Variants in ERCC2 observed in about 807,000 individuals in gnomAD.
The protein encoded by ERCC2 is ERCC excision repair 2, TFIIH core complex helicase subunit.
A neutral mutation model predicts 99.4 loss-of-function variants in ERCC2; 90 were observed. The observed-to-expected ratio is 0.91, with a 90% CI of 0.76 to 1.08. The LOEUF is 1.08. ERCC2 is among the 50% of genes least tolerant of loss of function. ERCC2 has a pLI of 0.00. For missense variants in ERCC2, 993 were observed against 1,038.1 expected, an observed-to-expected ratio of 0.96 and a Z score of 0.60; for synonymous variants, 497 against 432.4, an observed-to-expected ratio of 1.15 and a Z score of -1.85.
At chr19:45,360,741 A>T (rs1972191174) in intron 12 of ERCC2, among the ~76,000 whole-genome samples, 1 of 151,450 alleles carries the variant, frequency 6.6e-6, no homozygotes, top group Admixed American at 6.6e-5. Flanking sequence ...CCAGTCTCGA[A>T]CTCCTGACCT....
chr19:45,350,284 G>GGATGCAGTGTTGGGAA lies in ERCC2; in HGVS notation c.*1329_*1344dup. On this transcript the variant is annotated 3_prime_UTR_variant, in exon 23 of 23. Transcript: ENST00000391945. ...CAAAAAAAAAAAAAAAGGCGGGACT[G>GGATGCAGTGTTGGGAA]GATGCAGTGTTGGGAACTGGGGTCC... is the stretch of plus-strand genomic sequence containing the variant. 7.5e-7 allele frequency: 1 copy of GGATGCAGTGTTGGGAA among 1,328,290 alleles called. No individual in the cohort carries two copies. The highest frequency in any genetic ancestry group is 1.1e-6 in the Non-Finnish European group (1 of 945,502). 82.3% of individuals were successfully genotyped at this position (1,328,290 alleles called of 1,614,324 possible).
chr19:45,363,609 G>C (rs1237519133), intron 11 of ERCC2, 134 bp downstream of exon 11: 4 of 1,046,636 alleles, frequency 3.8e-6, no homozygotes, highest in Non-Finnish European at 5.4e-6. Context: ...GACCAGACAA[G>C]GTCCCACGTG....
chr19:45,356,489 G>C (rs1972017539), intron 15 of ERCC2, among the ~76,000 whole-genome samples: 1 of 152,184 alleles, frequency 6.6e-6, no homozygotes, highest in African/African-American at 2.4e-5. Context: ...CATAGGCCTT[G>C]TCTCTAAAGG....
At chr19:45,367,194 G>A (rs3916805) in intron 5 of ERCC2, among the ~76,000 whole-genome samples, 166 of 152,064 alleles carry the variant, frequency 1.1e-3, no homozygotes, top group African/African-American at 3.5e-3. Context: ...CAAATTAGCC[G>A]GGTGTAGTGG....
At chr19:45,352,703 G>A (rs375281837) in intron 20 of ERCC2, 43 bp downstream of exon 20, 4 of 1,614,012 alleles carry the variant, frequency 2.5e-6, no homozygotes, top group Non-Finnish European at 8.5e-7. Context: ...CTCCTCCCTT[G>A]ATCCTAACAC....
At chr19:45,364,390 C>A (rs777467346) in intron 8 of ERCC2, 34 bp downstream of exon 8, 1 of 1,613,874 alleles carries the variant, frequency 6.2e-7, no homozygotes, top group South Asian at 1.1e-5. Context: ...CTCAGAGGGG[C>A]TGGCATCCCT....
intron 11 of ERCC2, 188 bp from the exon 12 acceptor site, chr19:45,361,830 A>C: frequency 1.6e-6 from 1 of 631,594 alleles, no homozygotes; most frequent in African/African-American, 1.8e-5. Flanking sequence ...ACAAATAGCC[A>C]TTGCCGCATA....
chr19:45,352,764 T>C lies in ERCC2; in HGVS notation c.1884A>G (p.Thr628=). Residue 628 remains threonine, a synonymous_variant, in exon 20 of 23, where the codon ACA becomes ACG. Coordinates refer to ENST00000391945, the MANE Select transcript of ERCC2 (RefSeq NM_000400.4). ...TACTCACCTTGAGAATGCGGCTCTG[T>C]GTGTAGACGTAGGGGACGCCAAACA... ...VIMFGVPYVY[T]QSRILKARLE... 6.2e-7 allele frequency: 1 copy of C among 1,613,780 alleles called. No individual in the cohort carries two copies. Among genetic ancestry groups the C allele is most frequent in the Non-Finnish European group, 8.5e-7 (1 of 1,179,870 alleles).
intron 11 of ERCC2, among the ~76,000 whole-genome samples, chr19:45,362,567 G>A (rs1010269393): frequency 2.0e-5 from 3 of 152,186 alleles, no homozygotes; most frequent in Non-Finnish European, 2.9e-5. Flanking sequence ...CCTGCCTCCC[G>A]CACGTCAGCC....
chr19:45,367,891 T>C (rs987842107), intron 5 of ERCC2, among the ~76,000 whole-genome samples: 2 of 151,552 alleles, frequency 1.3e-5, no homozygotes, highest in Non-Finnish European at 2.9e-5. Context: ...ATAAATATCA[T>C]GACAATTTCT....
At chr19:45,358,908 C>T in intron 12 of ERCC2, 1 of 775,538 alleles carries the variant, frequency 1.3e-6, no homozygotes. Context: ...AGTGCTGAGC[C>T]TGGCCTGTTT....
chr19:45,353,772 T>A (rs1043003717), intron 17 of ERCC2, among the ~76,000 whole-genome samples: 4 of 152,196 alleles, frequency 2.6e-5, no homozygotes, highest in African/African-American at 9.7e-5. Context: ...GGAGAGCTTT[T>A]ACTGGAGCAA....
intron 11 of ERCC2, 51 bp downstream of exon 11, chr19:45,363,692 C>G (rs1056978106): frequency 6.6e-7 from 1 of 1,510,558 alleles, no homozygotes; most frequent in Non-Finnish European, 8.8e-7. Flanking sequence ...CACGGCTCTG[C>G]ATAACCGGGA....
chr19:45,369,028 CCCTT>C (rs752143191), intron 3 of ERCC2, 36 bp from the exon 4 acceptor site: 16 of 1,613,966 alleles, frequency 9.9e-6, no homozygotes, highest in Non-Finnish European at 1.4e-5. Flanking sequence ...CCTGTCCCGC[CCCTT>C]CCTTTGTCTG....
chr19:45,351,464 G>A lies in ERCC2; in HGVS notation c.*165C>T. ...TCTCCTGGCCCCCCCTTGCCTCTGG[G>A]TACCTGGTGGATAGCTGCCTTCTCC... On this transcript the variant is annotated 3_prime_UTR_variant, in exon 23 of 23. Coordinates refer to ENST00000391945, the MANE Select transcript of ERCC2 (RefSeq NM_000400.4). 1 of 1,583,784 alleles carries A rather than the reference G, an allele frequency of 6.3e-7. No homozygotes were observed. Among genetic ancestry groups the A allele is most frequent in the Non-Finnish European group, 8.6e-7 (1 of 1,168,982 alleles).
At position 45,350,716 on chromosome 19, in the gene ERCC2, C is replaced by T; in HGVS notation, c.*913G>A. On this transcript the variant is annotated 3_prime_UTR_variant, in exon 23 of 23. Coordinates refer to ENST00000391945, the MANE Select transcript of ERCC2 (RefSeq NM_000400.4). ...AGGAAGTGAGAAGCTGGTCTCCCGG[C>T]TCCGAGGCGAGGCGGCGGCAGGAGC... 1 of 1,613,402 alleles carries T rather than the reference C, an allele frequency of 6.2e-7. No homozygotes were observed. The highest frequency in any genetic ancestry group is 8.5e-7 in the Non-Finnish European group (1 of 1,179,798).
rs1971989621 is a variant in ERCC2, at chr19:45,355,730, T to C, written c.1480-2A>G. ...CTGGTCATTGCCACGGCCGATGATC[T>C]GGAGAGCAACAGAGGTCACGATAAG... On this transcript the variant is annotated splice_acceptor_variant, in intron 15 of 22. Transcript: ENST00000391945. LOFTEE classifies it high-confidence loss of function. The C allele has an allele frequency of 1.9e-6, 3 of 1,613,682 alleles. No individual in the cohort carries two copies. Among genetic ancestry groups the C allele is most frequent in the Non-Finnish European group, 2.5e-6 (3 of 1,179,912 alleles).
Position 45,351,364 on chromosome 19 carries a change from G to C in ERCC2, c.*265C>G, listed in dbSNP as rs771627144. 2 of 1,610,002 alleles carry C rather than the reference G, an allele frequency of 1.2e-6. No individual in the cohort carries two copies. The highest frequency in any genetic ancestry group is 1.7e-6 in the Non-Finnish European group (2 of 1,179,986). On this transcript the variant is annotated 3_prime_UTR_variant, in exon 23 of 23. Transcript: ENST00000391945. Reference sequence around the variant, plus strand: ...GGACCTGAGCCCCCACTAACGTCCAGTGAACTGCGCTGGCCGCAGCTTCTT... The same window carrying C: ...GGACCTGAGCCCCCACTAACGTCCACTGAACTGCGCTGGCCGCAGCTTCTT...
In ERCC2 at chr19:45,353,162, T is replaced by G. The variant is rs1599726254; in HGVS notation, c.1759-7A>C. The G allele has an allele frequency of 6.2e-7, 1 of 1,613,798 alleles. No individual in the cohort carries two copies. Among genetic ancestry groups the G allele is most frequent in the Non-Finnish European group, 8.5e-7 (1 of 1,179,932 alleles). On this transcript the variant is annotated splice_region_variant and splice_polypyrimidine_tract_variant and intron_variant, in intron 18 of 22. Coordinates refer to ENST00000391945, the MANE Select transcript of ERCC2 (RefSeq NM_000400.4). ...CGCGGCCATTCTCGCAGGCCTGAGG[T>G]GGGGAGACCGAGACGCAAGTTAGGT...
Sources: allele counts gnomAD v4.1 joint callset (sites outside exome capture counted in the v4.1 genomes callset), GRCh38; gene constraint gnomAD v4.1.1; transcripts MANE v1.5; gene names NCBI Gene and HGNC (gene_info 2026-07-23, HGNC 2026-07-21).